Variants in ZEB2 observed in about 807,000 individuals in gnomAD.
The protein encoded by ZEB2 is zinc finger E-box binding homeobox 2.
ZEB2 carries 6 observed loss-of-function variants against 99.9 expected under a neutral mutation model. The observed-to-expected ratio is 0.06, with a 90% CI of 0.03 to 0.12. ZEB2 has a LOEUF of 0.12. ZEB2 is among the 10% of genes least tolerant of loss of function. The pLI, the probability that ZEB2 is intolerant of heterozygous loss-of-function variation, is 1.00. For missense variants in ZEB2, 969 were observed against 1,502.8 expected (o/e 0.64, Z 5.87); for synonymous variants, 517 against 542.5 (o/e 0.95, Z 0.65).
At chr2:144,477,932 CTT>C (rs1334273517) in intron 2 of ZEB2, among the ~76,000 whole-genome samples, 2 of 151,882 alleles carry the variant, frequency 1.3e-5, no homozygotes, top group Non-Finnish European at 2.9e-5. Context: ...GAATCTATTG[CTT>C]TTTTTTAATG....
chr2:144,404,767 T>C (rs951218414), intron 5 of ZEB2, 69 bp downstream of exon 5: 6 of 1,546,272 alleles, frequency 3.9e-6, no homozygotes, highest in Admixed American at 1.8e-5. Flanking sequence ...CACCCAGGCA[T>C]GTAGTGCATT....
intron 2 of ZEB2, chr2:144,513,560 T>G: frequency 6.5e-7 from 1 of 1,529,980 alleles, no homozygotes; most frequent in Non-Finnish European, 8.7e-7. Context: ...TGATTTTTGC[T>G]ACAACGTGCA....
At chr2:144,452,907 C>T (rs917341366) in intron 2 of ZEB2, among the ~76,000 whole-genome samples, 6 of 152,196 alleles carry the variant, frequency 3.9e-5, no homozygotes, top group African/African-American at 7.2e-5. Flanking sequence ...TTTAATCTTT[C>T]CCACATTCCT....
chr2:144,517,894 G>A (rs938426862), intron 1 of ZEB2: 2 of 467,236 alleles, frequency 4.3e-6, no homozygotes, highest in Non-Finnish European at 3.8e-6. Context: ...CCTGGATGAA[G>A]CACACTCGGG....
chr2:144,401,148 C>T (rs1703304736), intron 7 of ZEB2, 51 bp downstream of exon 7: 1 of 1,509,958 alleles, frequency 6.6e-7, no homozygotes, highest in African/African-American at 1.4e-5. Flanking sequence ...TTTTAAAACT[C>T]CCCTAATTAA....
intron 3 of ZEB2, chr2:144,428,543 G>A (rs1230703075): frequency 6.6e-6 from 1 of 152,150 alleles, no homozygotes; most frequent in African/African-American, 2.4e-5. Flanking sequence ...GCTGAGATTC[G>A]AGAAACCTTC....
intron 2 of ZEB2, among the ~76,000 whole-genome samples, chr2:144,471,002 G>A (rs1704347578): frequency 6.6e-6 from 1 of 152,104 alleles, no homozygotes; most frequent in South Asian, 2.1e-4. Context: ...AGGACAAAAA[G>A]AAAATAAGGA....
chr2:144,440,515 A>ATTTTT (rs201944188), intron 2 of ZEB2, among the ~76,000 whole-genome samples: 1 of 32,840 alleles, frequency 3.0e-5, no homozygotes, highest in African/African-American at 7.9e-5. Context: ...ATATATATAT[A>ATTTTT]TTTTTTTTTT....
At chr2:144,493,864 C>G (rs1323133436) in intron 2 of ZEB2, among the ~76,000 whole-genome samples, 4 of 152,048 alleles carry the variant, frequency 2.6e-5, no homozygotes, top group Non-Finnish European at 1.5e-5. Flanking sequence ...TTTAGATTGT[C>G]AAAAACGGCC....
chr2:144,511,620 T>C (rs1005795808), intron 2 of ZEB2: 1 of 1,286,652 alleles, frequency 7.8e-7, no homozygotes, highest in Non-Finnish European at 1.0e-6. Context: ...CAAATAGTCA[T>C]TCAATAGATT....
intron 2 of ZEB2, among the ~76,000 whole-genome samples, chr2:144,442,459 C>T (rs1703930032): frequency 6.6e-6 from 1 of 152,070 alleles, no homozygotes; most frequent in African/African-American, 2.4e-5. Flanking sequence ...GTTAGGCTCA[C>T]TCAATTTTCA....
chr2:144,455,051 C>T (rs1243361713), intron 2 of ZEB2: 1 of 152,168 alleles, frequency 6.6e-6, no homozygotes. Flanking sequence ...TGCAAAGTTA[C>T]CTGACTCAGC....
At position 144,445,691 on chromosome 2, in the gene ZEB2, GACA is replaced by G. The variant is rs1703974238; in HGVS notation, c.74-15668_74-15666del. Among the ~76,000 whole-genome samples, 7 of 110,466 alleles carry G rather than the reference GACA, an allele frequency of 6.3e-5. No individual in the cohort carries two copies. The South Asian group carries it at 1.9e-3, about 29-fold the overall frequency. 72.5% of individuals were successfully genotyped at this position (110,466 alleles called of 152,430 possible). A position where few individuals can be genotyped will look rare whatever the true frequency, so the allele number is the denominator to read the frequency against. ...AATACCACCCAACCACACACAAAATGACAGAAATGCACCCCTCATTTTTTGGGG... is the reference window on the plus strand; with the variant it reads ...AATACCACCCAACCACACACAAAATGGAAATGCACCCCTCATTTTTTGGGG... On this transcript the variant is annotated intron_variant, in intron 2 of 9. Transcript: ENST00000627532.
chr2:144,475,509 T>C (rs1704418090), intron 2 of ZEB2, among the ~76,000 whole-genome samples: 1 of 152,220 alleles, frequency 6.6e-6, no homozygotes, highest in Admixed American at 6.5e-5. Flanking sequence ...TATATATGTA[T>C]GTATATATGT....
At chr2:144,432,704 A>T (rs115730599) in intron 2 of ZEB2, among the ~76,000 whole-genome samples, 1 of 152,250 alleles carries the variant, frequency 6.6e-6, no homozygotes, top group Non-Finnish European at 1.5e-5. Context: ...CCAATACTTG[A>T]TGGGTTTAGC....
intron 2 of ZEB2, among the ~76,000 whole-genome samples, chr2:144,440,110 A>G (rs1284003873): frequency 6.6e-6 from 1 of 152,206 alleles, no homozygotes; most frequent in Non-Finnish European, 1.5e-5. Flanking sequence ...AACTTTTAAA[A>G]ATGCTTGCAC....
chr2:144,520,050 A>G lies in ZEB2; in HGVS notation c.-181T>C. 1 of 454,566 alleles carries G rather than the reference A, an allele frequency of 2.2e-6. No individual in the cohort carries two copies. The highest frequency in any genetic ancestry group is 4.4e-6 in the Non-Finnish European group (1 of 226,792). The allele number at this position is 454,566 out of a possible 1,614,324, so 28.2% of individuals were successfully genotyped here. On this transcript the variant is annotated 5_prime_UTR_variant, in exon 1 of 10. Coordinates refer to ENST00000627532, the MANE Select transcript of ZEB2 (RefSeq NM_014795.4). ...GAAGCGAAGAAACAGCTCCCGGAGC[A>G]AACTGTACAAAAACCTCGCCAAGAG...
At chr2:144,515,206 A>G (rs1406281657) in intron 2 of ZEB2, among the ~76,000 whole-genome samples, 2 of 152,138 alleles carry the variant, frequency 1.3e-5, no homozygotes, top group East Asian at 3.9e-4. Context: ...TCTCTCAAAA[A>G]AAAAAAATGA....
rs955079583 is a variant in ZEB2, at chr2:144,385,125, T to C, written c.*4326A>G. 2 of 152,168 alleles carry C rather than the reference T, an allele frequency of 1.3e-5. No homozygotes were observed. The highest frequency in any genetic ancestry group is 2.4e-5 in the African/African-American group (1 of 41,458). 9.4% of individuals were successfully genotyped at this position (152,168 alleles called of 1,614,324 possible). A position where few individuals can be genotyped will look rare whatever the true frequency, so the allele number is the denominator to read the frequency against. ...CATGTATAAAATTTTTCAGAATTTA[T>C]AGGAGTGCTTATATAAGCGATAATA... is the stretch of plus-strand genomic sequence containing the variant. On this transcript the variant is annotated 3_prime_UTR_variant, in exon 10 of 10. Transcript: ENST00000627532.
Sources: gnomAD v4.1 joint callset for allele counts (sites outside exome capture counted in the v4.1 genomes callset) on GRCh38, gnomAD v4.1.1 for gene constraint, MANE v1.5 for transcripts, NCBI Gene and HGNC (gene_info 2026-07-23, HGNC 2026-07-21) for gene names.